The following FMN1 variants were observed in gnomAD, a reference collection of about 807,000 sequenced individuals.
FMN1 encodes the protein formin 1.
In FMN1, 110 loss-of-function variants were observed where a neutral mutation model predicts 132.4. That is an observed-to-expected ratio of 0.83 (90% CI 0.71 to 0.97). FMN1 has a LOEUF of 0.97. Among genes scored for constraint, FMN1 ranks in the 50% least tolerant of loss-of-function variants. The probability of loss-of-function intolerance (pLI) is 0.00; values close to 1 mark genes in which losing one functional copy is unlikely to be tolerated. For synonymous variants in FMN1, 722 were observed against 651.7 expected (o/e 1.11, Z -1.64); for missense variants, 1,792 against 1,705.3 (o/e 1.05, Z -0.90).
At chr15:32,999,270 T>A (rs958505032) in intron 7 of FMN1, among the ~76,000 whole-genome samples, 1 of 152,212 alleles carries the variant, frequency 6.6e-6, no homozygotes, top group Non-Finnish European at 1.5e-5. Context: ...ATTGTGTTGA[T>A]AATGAAGAAT....
chr15:33,161,409 G>A (rs769761092), intron 3 of FMN1, among the ~76,000 whole-genome samples: 3 of 152,114 alleles, frequency 2.0e-5, no homozygotes, highest in South Asian at 2.1e-4. Flanking sequence ...GGTAGTAGGC[G>A]TGCCCTCTAA....
At chr15:33,144,078 GA>G (rs1462142525) in intron 4 of FMN1, among the ~76,000 whole-genome samples, 5 of 152,202 alleles carry the variant, frequency 3.3e-5, no homozygotes, top group Admixed American at 6.5e-5. Flanking sequence ...ATTCAGAAAT[GA>G]TTGGGAGGAA....
intron 3 of FMN1, among the ~76,000 whole-genome samples, chr15:33,161,342 A>G (rs1964881012): frequency 6.6e-6 from 1 of 152,156 alleles, no homozygotes; most frequent in African/African-American, 2.4e-5. Flanking sequence ...TGGAGGGCAG[A>G]TGGAAGAGGG....
chr15:33,059,691 T>C (rs567861374), intron 6 of FMN1, among the ~76,000 whole-genome samples: 9 of 152,348 alleles, frequency 5.9e-5, no homozygotes, highest in South Asian at 2.1e-4. Context: ...TAATAAGTTA[T>C]GTGTATCTTT....
At chr15:33,105,256 A>G (rs996967870) in intron 4 of FMN1, among the ~76,000 whole-genome samples, 2 of 152,082 alleles carry the variant, frequency 1.3e-5, no homozygotes, top group African/African-American at 4.8e-5. Context: ...ATCCCTCAGA[A>G]TTAGAAACAA....
chr15:32,985,790 T>C (rs942646150), intron 7 of FMN1, among the ~76,000 whole-genome samples: 1 of 152,128 alleles, frequency 6.6e-6, no homozygotes, highest in Admixed American at 6.6e-5. Flanking sequence ...TCTTACAATA[T>C]GGACAGGGCC....
Position 32,774,311 on chromosome 15 carries a change from T to C in FMN1, c.4259A>G (p.Ter1420=). Residue 1420 remains the stop codon, a stop_retained_variant, in exon 21 of 21, where the codon TAA becomes TGA. Coordinates refer to ENST00000616417, the MANE Select transcript of FMN1 (RefSeq NM_001277313.2). ...RQKEASVTTN[*] The stretch of plus-strand genomic sequence containing the variant: ...CCATCATTTCCATGTGTCTTCATCT[T>C]AGTTAGTGGTCACACTGGCTTCCTT... 6.2e-7 allele frequency: 1 copy of C among 1,603,536 alleles called. No homozygotes were observed. Among genetic ancestry groups the C allele is most frequent in the South Asian group, 1.1e-5 (1 of 88,636 alleles).
intron 15 of FMN1, among the ~76,000 whole-genome samples, chr15:32,894,467 G>C (rs984028259): frequency 6.7e-6 from 1 of 149,272 alleles, no homozygotes; most frequent in African/African-American, 2.5e-5. Flanking sequence ...CTGGGTGACA[G>C]AGCGAGACTC....
chr15:32,928,423 T>C (rs370622580), intron 9 of FMN1, among the ~76,000 whole-genome samples: 63 of 152,314 alleles, frequency 4.1e-4, no homozygotes, highest in African/African-American at 1.4e-3. Context: ...AAATGATTTC[T>C]TCATCTAATA....
chr15:33,024,223 ATTTTTTTTTTTTTTTTTTTTTTTTTT>A lies in FMN1; in HGVS notation c.2162-16174_2162-16149del, dbSNP rs555760509. On this transcript the variant is annotated intron_variant, in intron 6 of 20. Transcript: ENST00000616417. ...GGGAATACTATTTCACACCTATCAG[ATTTTTTTTTTTTTTTTTTTTTTTTTT>A]TTTTTTTTTTTTTGAGATGTGGAGT... 1.5e-3 allele frequency among the ~76,000 whole-genome samples: 130 copies of A among 88,022 alleles called. 2 individuals carry two copies. Among genetic ancestry groups the A allele is most frequent in the Admixed American group, 6.5e-3 (49 of 7,584 alleles). The allele number at this position is 88,022 out of a possible 152,430, so 57.7% of individuals were successfully genotyped here. A position where few individuals can be genotyped will look rare whatever the true frequency, so the allele number is the denominator to read the frequency against.
intron 4 of FMN1, among the ~76,000 whole-genome samples, chr15:33,139,252 C>G (rs1421635190): frequency 6.6e-6 from 1 of 152,132 alleles, no homozygotes; most frequent in African/African-American, 2.4e-5. Flanking sequence ...ATGAAGCCAC[C>G]AGGCAATTGC....
At chr15:32,776,602 C>T (rs900621040) in intron 20 of FMN1, among the ~76,000 whole-genome samples, 1 of 151,710 alleles carries the variant, frequency 6.6e-6, no homozygotes, top group African/African-American at 2.4e-5. Context: ...TGGTAAGTGA[C>T]TAAATTTGGT....
chr15:32,881,347 T>C (rs2059765405), intron 16 of FMN1, among the ~76,000 whole-genome samples: 2 of 152,208 alleles, frequency 1.3e-5, no homozygotes, highest in African/African-American at 4.8e-5. Flanking sequence ...AGAATTCAGC[T>C]TTCTTGTTTG....
intron 2 of FMN1, among the ~76,000 whole-genome samples, chr15:33,190,252 A>G (rs1966027719): frequency 6.6e-6 from 1 of 152,206 alleles, no homozygotes; most frequent in South Asian, 2.1e-4. Context: ...AAGAGACTGA[A>G]AAGAGTTCTT....
chr15:33,116,289 T>G (rs2039923288), intron 4 of FMN1, among the ~76,000 whole-genome samples: 1 of 152,220 alleles, frequency 6.6e-6, no homozygotes, highest in Non-Finnish European at 1.5e-5. Flanking sequence ...TAAAGTATCC[T>G]TGGTTCACAT....
chr15:33,021,195 CA>C, intron 6 of FMN1, among the ~76,000 whole-genome samples: 1 of 152,176 alleles, frequency 6.6e-6, no homozygotes, highest in Non-Finnish European at 1.5e-5. Context: ...AGTCAGCAGT[CA>C]AGAACAGCCT....
intron 17 of FMN1, among the ~76,000 whole-genome samples, chr15:32,834,945 A>G (rs553849666): frequency 6.6e-6 from 1 of 152,212 alleles, no homozygotes; most frequent in East Asian, 1.9e-4. Flanking sequence ...AAAGCTTTTA[A>G]AAGTCTTGCT....
chr15:33,092,529 G>A (rs758004502), intron 4 of FMN1, among the ~76,000 whole-genome samples: 1 of 152,080 alleles, frequency 6.6e-6, no homozygotes, highest in Non-Finnish European at 1.5e-5. Flanking sequence ...CCCGCCCTGT[G>A]CTTCTGCCCT....
chr15:32,769,871 A>C lies in FMN1; in HGVS notation c.*4439T>G, dbSNP rs951882149. The C allele has an allele frequency of 6.6e-6, 1 of 152,268 alleles. No homozygotes were observed. The highest frequency in any genetic ancestry group is 2.4e-5 in the African/African-American group (1 of 41,464). 9.4% of individuals were successfully genotyped at this position (152,268 alleles called of 1,614,324 possible). A position where few individuals can be genotyped will look rare whatever the true frequency, so the allele number is the denominator to read the frequency against. ...AAATAACTAATACAAAACAAATTTT[A>C]AAAAGTGGAAGCTTTTTCTTTCCTC... On this transcript the variant is annotated 3_prime_UTR_variant, in exon 21 of 21. Transcript: ENST00000616417.
Sources: allele counts gnomAD v4.1 joint callset (sites outside exome capture counted in the v4.1 genomes callset), GRCh38; gene constraint gnomAD v4.1.1; transcripts MANE v1.5; gene names NCBI Gene and HGNC (gene_info 2026-07-23, HGNC 2026-07-21).